The following EYS variants were observed in gnomAD, a reference collection of about 807,000 sequenced individuals.
EYS encodes the protein EGF-like photoreceptor maintenance factor.
Under a neutral mutation model 282.1 loss-of-function variants are expected in EYS, and 250 were observed. That is an observed-to-expected ratio of 0.89 (90% CI 0.80 to 0.98). The LOEUF (loss-of-function observed/expected upper bound fraction) is 0.98. EYS is among the 50% of genes least tolerant of loss of function. The pLI is 0.00. For missense variants in EYS, 4,016 were observed against 3,709.0 expected, an observed-to-expected ratio of 1.08 and a Z score of -2.15; for synonymous variants, 1,355 against 1,282.9, an observed-to-expected ratio of 1.06 and a Z score of -1.20.
intron 29 of EYS, among the ~76,000 whole-genome samples, chr6:64,351,483 A>T (rs892651510): frequency 6.6e-6 from 1 of 151,414 alleles, no homozygotes; most frequent in Non-Finnish European, 1.5e-5. Context: ...ATTTGTATTT[A>T]TATCTATCTA....
intron 18 of EYS, among the ~76,000 whole-genome samples, chr6:64,899,418 T>G (rs1299752870): frequency 6.6e-6 from 1 of 152,034 alleles, no homozygotes; most frequent in Non-Finnish European, 1.5e-5. Context: ...AGAGAGAAAG[T>G]CAGGTTATCT....
intron 35 of EYS, among the ~76,000 whole-genome samples, chr6:63,874,410 G>A (rs567117914): frequency 1.9e-4 from 29 of 152,254 alleles, no homozygotes; most frequent in African/African-American, 6.0e-4. Flanking sequence ...TTGTAGTACC[G>A]TTTGAAGTCA....
chr6:64,286,591 G>A (rs2207432), intron 30 of EYS, among the ~76,000 whole-genome samples: 104,321 of 151,978 alleles, frequency 0.69, 35,838 homozygotes, highest in South Asian at 0.71. Flanking sequence ...ATAGAAAAAG[G>A]TATTATGTAT....
At chr6:64,435,614 T>C (rs1215864717) in intron 28 of EYS, among the ~76,000 whole-genome samples, 1 of 150,004 alleles carries the variant, frequency 6.7e-6, no homozygotes, top group East Asian at 2.1e-4. Flanking sequence ...CAAAAAAGCA[T>C]TACATCTATA....
At chr6:64,167,943 A>G (rs1764345600) in intron 31 of EYS, among the ~76,000 whole-genome samples, 1 of 152,214 alleles carries the variant, frequency 6.6e-6, no homozygotes, top group Non-Finnish European at 1.5e-5. Flanking sequence ...ATTACTTTCT[A>G]TTCATTACTA....
At chr6:64,853,034 T>A (rs547411271) in intron 19 of EYS, among the ~76,000 whole-genome samples, 7 of 152,268 alleles carry the variant, frequency 4.6e-5, no homozygotes, top group African/African-American at 1.7e-4. Context: ...TTTTGTTTCT[T>A]TCTTGCCTTT....
At chr6:65,175,921 T>C (rs1019887574) in intron 12 of EYS, among the ~76,000 whole-genome samples, 1 of 151,508 alleles carries the variant, frequency 6.6e-6, no homozygotes, top group African/African-American at 2.4e-5. Flanking sequence ...ATGTTTATTT[T>C]CCCCCAAATC....
At chr6:64,988,033 T>C (rs569618667) in intron 14 of EYS, among the ~76,000 whole-genome samples, 1 of 151,542 alleles carries the variant, frequency 6.6e-6, no homozygotes, top group East Asian at 1.9e-4. Flanking sequence ...CTTTTGAGTT[T>C]TTGTTTCAGG....
intron 22 of EYS, among the ~76,000 whole-genome samples, chr6:64,653,685 C>G: frequency 6.6e-6 from 1 of 151,372 alleles, no homozygotes; most frequent in South Asian, 2.1e-4. Context: ...CTGCTTCAGC[C>G]TCCTGAGTAG....
chr6:65,038,944 G>C (rs189310302), intron 13 of EYS, among the ~76,000 whole-genome samples: 4 of 151,406 alleles, frequency 2.6e-5, no homozygotes, highest in South Asian at 4.2e-4. Flanking sequence ...TTTATGTCCT[G>C]GGTATGTGTT....
At chr6:65,491,753 G>A (rs749340837) in intron 4 of EYS, among the ~76,000 whole-genome samples, 6 of 151,982 alleles carry the variant, frequency 3.9e-5, no homozygotes, top group African/African-American at 4.8e-5. Context: ...ACCCACCGCC[G>A]CCAAATTCAT....
At chr6:65,418,952 A>G (rs916951033) in intron 5 of EYS, among the ~76,000 whole-genome samples, 9 of 152,122 alleles carry the variant, frequency 5.9e-5, no homozygotes, top group African/African-American at 1.9e-4. Context: ...TTCATGTTTC[A>G]TCAAAGCCTT....
intron 28 of EYS, among the ~76,000 whole-genome samples, chr6:64,405,780 G>A (rs572990324): frequency 6.6e-6 from 1 of 152,066 alleles, no homozygotes; most frequent in African/African-American, 2.4e-5. Flanking sequence ...AGGATGGGAA[G>A]GACCTCAAGG....
chr6:65,444,839 T>C (rs748008467), intron 5 of EYS, among the ~76,000 whole-genome samples: 2 of 152,102 alleles, frequency 1.3e-5, no homozygotes, highest in Non-Finnish European at 2.9e-5. Flanking sequence ...ATTATATTTA[T>C]ACTTAGATGC....
At position 65,086,832 on chromosome 6, in the gene EYS, G is replaced by GTT. The variant is rs1035375298; in HGVS notation, c.2024-29107_2024-29106dup. On this transcript the variant is annotated intron_variant, in intron 12 of 42. Coordinates refer to ENST00000503581, the MANE Select transcript of EYS (RefSeq NM_001142800.2). ...AACATTTGTAAATATGTATATGTGG[G>GTT]TTTTTTTTTTTTAACGGAGTCTTGC... 2.8e-5 allele frequency among the ~76,000 whole-genome samples: 4 copies of GTT among 145,044 alleles called. No individual in the cohort carries two copies. In the East Asian group the frequency reaches 6.0e-4, roughly 22 times the overall value.
intron 33 of EYS, among the ~76,000 whole-genome samples, chr6:64,030,977 G>T (rs1015987828): frequency 6.6e-6 from 1 of 152,234 alleles, no homozygotes; most frequent in African/African-American, 2.4e-5. Flanking sequence ...GGGGTGTCCT[G>T]TTTAGAGGGG....
chr6:64,831,776 C>T (rs1030426441), intron 19 of EYS, among the ~76,000 whole-genome samples: 3 of 151,924 alleles, frequency 2.0e-5, no homozygotes. Flanking sequence ...AAAACAATTA[C>T]TATGTCATTG....
intron 8 of EYS, among the ~76,000 whole-genome samples, chr6:65,366,973 T>G (rs1228516122): frequency 6.6e-6 from 1 of 151,632 alleles, no homozygotes; most frequent in Non-Finnish European, 1.5e-5. Flanking sequence ...TGTGATTATA[T>G]CAGGCCCCAT....
intron 22 of EYS, among the ~76,000 whole-genome samples, chr6:64,710,406 C>A (rs1349698384): frequency 6.6e-6 from 1 of 152,192 alleles, no homozygotes; most frequent in African/African-American, 2.4e-5. Flanking sequence ...GCATAGGGCA[C>A]CAATTCACCT....
Sources: allele counts gnomAD v4.1 joint callset (sites outside exome capture counted in the v4.1 genomes callset), GRCh38; gene constraint gnomAD v4.1.1; transcripts MANE v1.5; gene names NCBI Gene and HGNC (gene_info 2026-07-23, HGNC 2026-07-21).